The following TMC6 variants were observed in gnomAD, a reference collection of about 807,000 sequenced individuals.
The protein encoded by TMC6 is transmembrane channel-like protein 6.
In TMC6, 71 loss-of-function variants were observed where a neutral mutation model predicts 95.4. That is an observed-to-expected ratio of 0.74 (90% confidence interval 0.61 to 0.91). The LOEUF (loss-of-function observed/expected upper bound fraction) is 0.91, where lower values mean the gene tolerates loss of function less well. Among genes scored for constraint, TMC6 ranks in the 40% least tolerant of loss-of-function variants. TMC6 has a pLI of 0.00. For synonymous variants in TMC6, 514 were observed against 483.1 expected (o/e 1.06, Z -0.84); for missense variants, 1,074 against 1,079.1 (o/e 1.00, Z 0.07).
intron 18 of TMC6, among the ~76,000 whole-genome samples, chr17:78,116,364 C>G (rs1261633516): frequency 6.6e-6 from 1 of 150,778 alleles, no homozygotes; most frequent in Non-Finnish European, 1.5e-5. Context: ...GCAGCCTCAA[C>G]CTGGGCTCAA....
chr17:78,127,676 C>T (rs1211262336), intron 1 of TMC6, among the ~76,000 whole-genome samples: 3 of 152,256 alleles, frequency 2.0e-5, no homozygotes, highest in African/African-American at 7.2e-5. Context: ...CGAGTCCTGC[C>T]GGCCTCTGCC....
Position 78,124,965 on chromosome 17 carries a change from C to T in TMC6, c.557G>A (p.Arg186Lys), listed in dbSNP as rs747910705. 6.3e-6 allele frequency: 10 copies of T among 1,594,186 alleles called. No homozygotes were observed. Among genetic ancestry groups the T allele is most frequent in the South Asian group, 2.2e-5 (2 of 88,956 alleles). The change falls in exon 7 of 20, where the codon AGG becomes AAG. Residue 186 changes from arginine to lysine, a missense_variant. Coordinates refer to ENST00000590602, the MANE Select transcript of TMC6 (RefSeq NM_001127198.5). ...RSLREKSRTP[R>K]GKWRGQPGSG... ...GCCCGGCTGGCCCCTCCACTTCCCC[C>T]TCGGGGTCCTGCTCTTCTCTCTGGG...
intron 19 of TMC6, 133 bp from the exon 20 acceptor site, chr17:78,113,344 C>G (rs1353992070): frequency 2.1e-5 from 26 of 1,266,620 alleles, no homozygotes; most frequent in Non-Finnish European, 2.8e-5. Flanking sequence ...TATTTTAGGT[C>G]CCTGTCAAAA....
At position 78,108,636 on chromosome 17, in the gene TMC6, G is replaced by A. The variant is rs1257394688; in HGVS notation, c.*4512C>T. ...TGACAGACTGGGAACTCGGGGGACA[G>A]GAGGGCAGCACAGTGTAAGCTAAAG... On this transcript the variant is annotated 3_prime_UTR_variant, in exon 20 of 20. Transcript: ENST00000590602. 4 of 154,916 alleles carry A rather than the reference G, an allele frequency of 2.6e-5. No individual in the cohort carries two copies. The highest frequency in any genetic ancestry group is 9.6e-5 in the African/African-American group (4 of 41,506). 9.6% of individuals were successfully genotyped at this position (154,916 alleles called of 1,614,324 possible). A position where few individuals can be genotyped will look rare whatever the true frequency, so the allele number is the denominator to read the frequency against.
Position 78,121,915 on chromosome 17 carries a change from G to A in TMC6, c.1228-204C>T, listed in dbSNP as rs927688363. On this transcript the variant is annotated intron_variant, in intron 10 of 19. Coordinates refer to ENST00000590602, the MANE Select transcript of TMC6 (RefSeq NM_001127198.5). The surrounding 1 kb of genome is among the most constrained non-coding windows in gnomAD (Gnocchi z 5.6). ...GCAGAGAGGACCCAGTCCCCCTGCC[G>A]AGAGGCCCCTGTGCCTGGGCTGGCG... Among the ~76,000 whole-genome samples the A allele has an allele frequency of 1.3e-5, 2 of 152,178 alleles. No homozygotes were observed. Among genetic ancestry groups the A allele is most frequent in the South Asian group, 4.1e-4 (2 of 4,820 alleles).
At position 78,118,822 on chromosome 17, in the gene TMC6, G is replaced by A. The variant is rs2074262682; in HGVS notation, c.1887+149C>T. The A allele has an allele frequency of 8.3e-6, 7 of 838,414 alleles. No homozygotes were observed. In the Admixed American group the frequency reaches 1.4e-4, roughly 17 times the overall value. The allele number at this position is 838,414 out of a possible 1,614,324, so 51.9% of individuals were successfully genotyped here. A position where few individuals can be genotyped will look rare whatever the true frequency, so the allele number is the denominator to read the frequency against. ...AGAGGGGTCAGCCGTCCCTTGGGCG[G>A]AGGGACAGGCCAGGGCAGCCCCGAG... On this transcript the variant is annotated intron_variant, in intron 15 of 19. Coordinates refer to ENST00000590602, the MANE Select transcript of TMC6 (RefSeq NM_001127198.5).
At chr17:78,117,392 G>A in intron 17 of TMC6, 45 bp from the exon 18 acceptor site, 1 of 1,612,342 alleles carries the variant, frequency 6.2e-7, no homozygotes, top group South Asian at 1.1e-5. Context: ...CCACAGCCCG[G>A]GAGCGGCCAG....
chr17:78,125,585 G>T (rs1406237260), intron 5 of TMC6, 141 bp downstream of exon 5: 6 of 1,302,252 alleles, frequency 4.6e-6, no homozygotes, highest in South Asian at 1.4e-5. Context: ...GGGACGGGGG[G>T]GCCTTCAGGC....
chr17:78,118,836 G>A, intron 15 of TMC6, 135 bp downstream of exon 15: 1 of 966,286 alleles, frequency 1.0e-6, no homozygotes, highest in Non-Finnish European at 1.6e-6. Flanking sequence ...GACAGGCCAG[G>A]GCAGCCCCGA....
intron 15 of TMC6, among the ~76,000 whole-genome samples, chr17:78,118,498 G>C (rs1185400485): frequency 1.3e-5 from 2 of 152,050 alleles, no homozygotes. Flanking sequence ...GGAGCTTGCA[G>C]TGAGCCGAGA....
intron 16 of TMC6, 25 bp downstream of exon 16, chr17:78,117,777 G>C: frequency 6.3e-7 from 1 of 1,598,584 alleles, no homozygotes; most frequent in Non-Finnish European, 8.5e-7. Flanking sequence ...ACACAGAAGG[G>C]TCTCCCTCCA....
At chr17:78,125,978 T>C in intron 4 of TMC6, 94 bp from the exon 5 acceptor site, 1 of 1,499,006 alleles carries the variant, frequency 6.7e-7, no homozygotes, top group Non-Finnish European at 9.0e-7. Flanking sequence ...CCCTCACCCC[T>C]TCCCAGGACC....
At chr17:78,119,690 A>G (rs2074312809) in intron 13 of TMC6, 2 of 459,460 alleles carry the variant, frequency 4.4e-6, no homozygotes, top group African/African-American at 2.0e-5. Flanking sequence ...GCTGGAGCAC[A>G]GTGACGCAAT....
chr17:78,115,030 C>T (rs1243637977), intron 18 of TMC6, among the ~76,000 whole-genome samples: 7 of 152,370 alleles, frequency 4.6e-5, no homozygotes, highest in Non-Finnish European at 1.0e-4. Context: ...GAGCCATTCC[C>T]CACTTCCAAT....
intron 18 of TMC6, among the ~76,000 whole-genome samples, chr17:78,116,236 C>CA (rs898046919): frequency 6.6e-6 from 1 of 150,582 alleles, no homozygotes; most frequent in Non-Finnish European, 1.5e-5. Flanking sequence ...CTCGGCCTCC[C>CA]AAAGTGCTGG....
chr17:78,117,680 G>C, intron 16 of TMC6, 36 bp from the exon 17 acceptor site: 1 of 1,555,786 alleles, frequency 6.4e-7, no homozygotes, highest in African/African-American at 1.4e-5. Context: ...CTCACCCCGA[G>C]CAACAGTTCA....
chr17:78,113,584 G>T lies in TMC6; in HGVS notation c.2318C>A (p.Ser773Tyr). 2 of 1,613,940 alleles carry T rather than the reference G, an allele frequency of 1.2e-6. No individual in the cohort carries two copies. Among genetic ancestry groups the T allele is most frequent in the Non-Finnish European group, 1.7e-6 (2 of 1,180,024 alleles). Reference sequence around the variant, plus strand: ...CTCCCTCTCCTTCCTCTCGTAGATGGAGTGAAGCTTGTTGATTAAGAAGAT... The same window carrying T: ...CTCCCTCTCCTTCCTCTCGTAGATGTAGTGAAGCTTGTTGATTAAGAAGAT... ...DKIFLINKLH[S>Y]IYERKEREER... is the part of the protein sequence containing the mutation. The change falls in exon 19 of 20, where the codon TCC (serine) becomes TAC (tyrosine). Residue 773 changes from serine to tyrosine, a missense_variant. Transcript: ENST00000590602.
chr17:78,121,477 C>A lies in TMC6; in HGVS notation c.1383+79G>T. The A allele has an allele frequency of 6.3e-7, 1 of 1,595,892 alleles. No individual in the cohort carries two copies. The highest frequency in any genetic ancestry group is 8.5e-7 in the Non-Finnish European group (1 of 1,171,776). On this transcript the variant is annotated intron_variant, in intron 11 of 19. Coordinates refer to ENST00000590602, the MANE Select transcript of TMC6 (RefSeq NM_001127198.5). This position sits in a 1 kb window ranked among gnomAD's most constrained non-coding sequence, Gnocchi z 5.6. ...GCTGGGTGGAGGAGGAGAGGCAAGG[C>A]TGCCTCCCCAGGGGGCAGGTGCCCA...
At chr17:78,127,509 G>A (rs897699837) in intron 1 of TMC6, among the ~76,000 whole-genome samples, 3 of 152,196 alleles carry the variant, frequency 2.0e-5, no homozygotes, top group African/African-American at 7.2e-5. Context: ...ATCCCAGGGC[G>A]GCCGGCTGGG....
Sources: allele counts gnomAD v4.1 joint callset (sites outside exome capture counted in the v4.1 genomes callset), GRCh38; gene constraint gnomAD v4.1.1; non-coding constraint Gnocchi (gnomAD v3.1); transcripts MANE v1.5; gene names NCBI Gene and HGNC (gene_info 2026-07-23, HGNC 2026-07-21).